CDADC1: variants seen among roughly 807,000 people sequenced by gnomAD.
CDADC1 encodes the protein dCTP deaminase.
Under a neutral mutation model 54.9 loss-of-function variants are expected in CDADC1, and 39 were observed. That is an observed-to-expected ratio of 0.71 (90% CI 0.55 to 0.93). The LOEUF (loss-of-function observed/expected upper bound fraction) is 0.93, where lower values mean the gene tolerates loss of function less well. Among genes scored for constraint, CDADC1 ranks in the 40% least tolerant of loss-of-function variants. The probability of loss-of-function intolerance (pLI) is 0.00; values close to 1 mark genes in which losing one functional copy is unlikely to be tolerated. For missense variants in CDADC1, 518 were observed against 618.8 expected (o/e 0.84, Z 1.73); for synonymous variants, 186 against 204.0 (o/e 0.91, Z 0.75).
chr13:49,273,472 G>A (rs1398202843), intron 5 of CDADC1, among the ~76,000 whole-genome samples: 1 of 152,158 alleles, frequency 6.6e-6, no homozygotes, highest in Non-Finnish European at 1.5e-5. Context: ...GAAGGAAAAA[G>A]TAAATCCTTA....
At position 49,259,391 on chromosome 13, in the gene CDADC1, G is replaced by A; in HGVS notation, c.298G>A (p.Gly100Ser). The change falls in exon 4 of 10, where the codon GGT becomes AGT. Residue 100 changes from glycine (G) to serine (S), a missense_variant. Transcript: ENST00000251108. The stretch of plus-strand genomic sequence containing the variant: ...GGTGGTGAAAAACATGAAAATTGTT[G>A]GTCTCCACTGTTCTAGTGAAGATTT... ...LVVVKNMKIV[G>S]LHCSSEDLHA... 6.2e-7 allele frequency: 1 copy of A among 1,613,396 alleles called. No homozygotes were observed. Among genetic ancestry groups the A allele is most frequent in the Non-Finnish European group, 8.5e-7 (1 of 1,179,534 alleles).
intron 4 of CDADC1, among the ~76,000 whole-genome samples, chr13:49,267,274 T>C (rs1346692371): frequency 6.6e-6 from 1 of 152,192 alleles, no homozygotes; most frequent in Non-Finnish European, 1.5e-5. Context: ...GTAAAACCCA[T>C]TCTTAACCTG....
At chr13:49,275,860 C>T (rs1282246646) in intron 6 of CDADC1, among the ~76,000 whole-genome samples, 1 of 150,120 alleles carries the variant, frequency 6.7e-6, no homozygotes, top group African/African-American at 2.5e-5. Flanking sequence ...CCTCTGCCTC[C>T]TGGGTTCAAG....
intron 2 of CDADC1, among the ~76,000 whole-genome samples, chr13:49,253,538 C>T (rs375222768): frequency 1.3e-5 from 2 of 152,212 alleles, no homozygotes; most frequent in South Asian, 4.1e-4. Context: ...TTGGGTAACT[C>T]TACCTCTCTG....
rs576359348 is a variant in CDADC1, at chr13:49,274,531, C to T, written c.1050+191C>T. On this transcript the variant is annotated intron_variant, in intron 6 of 9. Transcript: ENST00000251108. ...AAAAAAAATACAAAAATTAGCTGGG[C>T]GTGGTGGCGGGTGCCTGTAGTCCCA... 1.5e-4 allele frequency among the ~76,000 whole-genome samples: 23 copies of T among 151,678 alleles called. 1 individual carries two copies. The highest frequency in any genetic ancestry group is 9.7e-4 in the East Asian group (5 of 5,168).
intron 7 of CDADC1, among the ~76,000 whole-genome samples, chr13:49,278,989 G>A (rs1446011644): frequency 6.6e-6 from 1 of 152,120 alleles, no homozygotes; most frequent in Non-Finnish European, 1.5e-5. Context: ...AACATCACAC[G>A]TTACCTTTTT....
In CDADC1 at chr13:49,267,883, A is replaced by G. The variant is rs774004080; in HGVS notation, c.824A>G (p.Asn275Ser). The change falls in exon 5 of 10, where the codon AAC (asparagine) becomes AGC (serine). Residue 275 changes from asparagine to serine, a missense_variant. Transcript: ENST00000251108. ...ENPYFSNLRQ[N>S]MKDLILLLAT... is the part of the protein sequence containing the mutation. ...CCATACTTTAGCAATCTAAGGCAAA[A>G]CATGAAAGACCTTATCCTACTTTTG... The G allele has an allele frequency of 6.2e-7, 1 of 1,614,172 alleles. No individual in the cohort carries two copies. Among genetic ancestry groups the G allele is most frequent in the South Asian group, 1.1e-5 (1 of 91,084 alleles).
rs768016492 is a variant in CDADC1, at chr13:49,280,676, T to A, written c.1388T>A (p.Leu463His). ...ATCTCTTACATGAGGTTCGGGGAGC[T>A]TGAAGGTGTTAGCAAATTTACGGTA... The part of the protein sequence containing the change: ...ADISYMRFGE[L>H]EGVSKFTWQL... The change falls in exon 8 of 10, where the codon CTT (leucine) becomes CAT (histidine). Residue 463 changes from leucine (L) to histidine (H), a missense_variant. Physicochemically the swap from Leu to His is moderately conservative, Grantham distance 99. Coordinates refer to ENST00000251108, the MANE Select transcript of CDADC1 (RefSeq NM_030911.4). 2 of 1,579,802 alleles carry A rather than the reference T, an allele frequency of 1.3e-6. No individual in the cohort carries two copies. The highest frequency in any genetic ancestry group is 1.7e-6 in the Non-Finnish European group (2 of 1,166,696).
In CDADC1 at chr13:49,292,891, T is replaced by C; in HGVS notation, c.*1134T>C. 2 of 767,452 alleles carry C rather than the reference T, an allele frequency of 2.6e-6. No homozygotes were observed. The highest frequency in any genetic ancestry group is 3.4e-5 in the South Asian group (2 of 59,470). 47.5% of individuals were successfully genotyped at this position (767,452 alleles called of 1,614,324 possible). On this transcript the variant is annotated 3_prime_UTR_variant, in exon 10 of 10. Coordinates refer to ENST00000251108, the MANE Select transcript of CDADC1 (RefSeq NM_030911.4). ...TTTCCGCCACATCACACGGCCTCAC[T>C]GGGCTTCCTACCAGTTTCTCAGAAT...
intron 1 of CDADC1, 33 bp downstream of exon 1, chr13:49,248,152 A>G (rs1170943250): frequency 3.3e-6 from 5 of 1,520,572 alleles, no homozygotes; most frequent in East Asian, 2.5e-5. Context: ...CCGCCACCCT[A>G]CCTTTCGCTC....
In CDADC1 at chr13:49,291,900, C is replaced by T. The variant is rs1019266849; in HGVS notation, c.*143C>T. 1 of 1,420,428 alleles carries T rather than the reference C, an allele frequency of 7.0e-7. No homozygotes were observed. The highest frequency in any genetic ancestry group is 9.2e-7 in the Non-Finnish European group (1 of 1,085,410). The allele number at this position is 1,420,428 out of a possible 1,614,324, so 88.0% of individuals were successfully genotyped here. A position where few individuals can be genotyped will look rare whatever the true frequency, so the allele number is the denominator to read the frequency against. On this transcript the variant is annotated 3_prime_UTR_variant, in exon 10 of 10. Transcript: ENST00000251108. The stretch of plus-strand genomic sequence containing the variant: ...AGGAAGCTAATTTATTTCTAGGATA[C>T]AAATGGTGTTAATAAGAATATTTGT...
chr13:49,275,688 G>GTT (rs1486220846), intron 6 of CDADC1, among the ~76,000 whole-genome samples: 5 of 58,834 alleles, frequency 8.5e-5, no homozygotes, highest in East Asian at 4.7e-4. Context: ...TTTTCTAGGT[G>GTT]TTATATATAT....
At chr13:49,288,839 T>C (rs1953603672) in intron 9 of CDADC1, among the ~76,000 whole-genome samples, 1 of 152,150 alleles carries the variant, frequency 6.6e-6, no homozygotes, top group Admixed American at 6.5e-5. Flanking sequence ...TAAAGAGTCA[T>C]GGAGCTTTCA....
intron 4 of CDADC1, among the ~76,000 whole-genome samples, chr13:49,261,294 T>C (rs1281564363): frequency 6.6e-6 from 1 of 152,200 alleles, no homozygotes; most frequent in Non-Finnish European, 1.5e-5. Context: ...CTGCAACAAG[T>C]ATTTCGAGCA....
chr13:49,276,523 G>T (rs1953138171), intron 6 of CDADC1, among the ~76,000 whole-genome samples: 1 of 152,130 alleles, frequency 6.6e-6, no homozygotes, highest in Admixed American at 6.6e-5. Flanking sequence ...AACTCCTCAA[G>T]TTCACTCATC....
chr13:49,285,327 G>A (rs184651503), intron 8 of CDADC1, among the ~76,000 whole-genome samples: 57 of 151,368 alleles, frequency 3.8e-4, no homozygotes, highest in African/African-American at 1.3e-3. Flanking sequence ...TACAGGCACC[G>A]GCCACCACGC....
intron 4 of CDADC1, among the ~76,000 whole-genome samples, chr13:49,261,701 A>C (rs1215259819): frequency 6.6e-6 from 1 of 152,230 alleles, no homozygotes; most frequent in Non-Finnish European, 1.5e-5. Flanking sequence ...GATCTGTTCC[A>C]GATCAAGGGA....
At position 49,292,021 on chromosome 13, in the gene CDADC1, A is replaced by G. The variant is rs1263734297; in HGVS notation, c.*264A>G. On this transcript the variant is annotated 3_prime_UTR_variant, in exon 10 of 10. Coordinates refer to ENST00000251108, the MANE Select transcript of CDADC1 (RefSeq NM_030911.4). The stretch of plus-strand genomic sequence containing the variant: ...ATAACTTCAACCAATGTAATCACCA[A>G]CAGGGACTGATTTCTATTTATCTTG... 3 of 1,187,638 alleles carry G rather than the reference A, an allele frequency of 2.5e-6. No homozygotes were observed. The highest frequency in any genetic ancestry group is 3.1e-5 in the African/African-American group (2 of 63,610). The allele number at this position is 1,187,638 out of a possible 1,614,324, so 73.6% of individuals were successfully genotyped here.
rs756978449 is a variant in CDADC1 at position 49,248,918 on chromosome 13, C to T, written c.130C>T (p.Leu44Phe). ...AGTCAACCTTTTCACTCTGCTCAGC[C>T]TCTGGATGGAGCTCTTTCCAGCAGA... is the stretch of plus-strand genomic sequence containing the variant. ...SKVNLFTLLSLWMELFPAEAQ... is the reference protein window; with the variant it reads ...SKVNLFTLLSFWMELFPAEAQ... Residue 44 changes from leucine to phenylalanine, a missense_variant, in exon 2 of 10, where the codon CTC becomes TTC. Coordinates refer to ENST00000251108, the MANE Select transcript of CDADC1 (RefSeq NM_030911.4). 4.3e-6 allele frequency: 7 copies of T among 1,613,176 alleles called. No individual in the cohort carries two copies. The highest frequency in any genetic ancestry group is 2.2e-5 in the East Asian group (1 of 44,868).
Sources: gnomAD v4.1 joint callset for allele counts (sites outside exome capture counted in the v4.1 genomes callset) on GRCh38, gnomAD v4.1.1 for gene constraint, MANE v1.5 for transcripts, NCBI Gene and HGNC (gene_info 2026-07-23, HGNC 2026-07-21) for gene names.